ZFAT: variants seen among roughly 807,000 people sequenced by gnomAD.
ZFAT encodes the protein zinc finger protein ZFAT.
Under a neutral mutation model 117.7 loss-of-function variants are expected in ZFAT, and 64 were observed. The ratio of observed to expected loss-of-function variants is 0.54; its 90% CI spans 0.44 to 0.67. ZFAT has a LOEUF of 0.67. Among genes scored for constraint, ZFAT ranks in the 30% least tolerant of loss-of-function variants. ZFAT has a pLI of 0.00. For missense variants in ZFAT, 1,433 were observed against 1,584.5 expected, an observed-to-expected ratio of 0.90 and a Z score of 1.62; for synonymous variants, 679 against 615.0, an observed-to-expected ratio of 1.10 and a Z score of -1.54.
chr8:134,518,924 A>G (rs1442292126), intron 13 of ZFAT, among the ~76,000 whole-genome samples: 1 of 152,150 alleles, frequency 6.6e-6, no homozygotes, highest in Non-Finnish European at 1.5e-5. Context: ...TACCAACTTG[A>G]GACACCATCT....
At chr8:134,497,149 T>G (rs1375423064) in intron 15 of ZFAT, among the ~76,000 whole-genome samples, 2 of 151,882 alleles carry the variant, frequency 1.3e-5, no homozygotes. Flanking sequence ...GTGGGCACCT[T>G]GCTGTCAGGC....
At chr8:134,522,940 C>G (rs1027536289) in intron 12 of ZFAT, among the ~76,000 whole-genome samples, 2 of 152,180 alleles carry the variant, frequency 1.3e-5, no homozygotes, top group Non-Finnish European at 2.9e-5. Context: ...CCTTCCTGTA[C>G]TATACAATTC....
chr8:134,635,009 G>C (rs1360715274), intron 3 of ZFAT, among the ~76,000 whole-genome samples: 2 of 152,198 alleles, frequency 1.3e-5, no homozygotes, highest in African/African-American at 4.8e-5. Context: ...TTTACAATAG[G>C]GCTCATGTTC....
At chr8:134,511,401 C>T (rs115188100) in intron 14 of ZFAT, among the ~76,000 whole-genome samples, 121 of 152,262 alleles carry the variant, frequency 7.9e-4, no homozygotes, top group African/African-American at 2.8e-3. Flanking sequence ...AGCTGGGCCT[C>T]GACTCTCCCG....
At chr8:134,782,160 G>T in the ZFAT span, among the ~76,000 whole-genome samples, 4 of 152,162 alleles carry the variant, frequency 2.6e-5, no homozygotes, top group East Asian at 7.7e-4. Context: ...CCCTGCAAAG[G>T]CAATGCTTTG....
At chr8:134,722,214 G>A in the ZFAT span, among the ~76,000 whole-genome samples, 1 of 152,216 alleles carries the variant, frequency 6.6e-6, no homozygotes, top group African/African-American at 2.4e-5. Context: ...GGGAAGATGT[G>A]GGAGGCACAC....
the ZFAT span, among the ~76,000 whole-genome samples, chr8:134,807,220 G>C: frequency 2.0e-5 from 3 of 152,194 alleles, no homozygotes; most frequent in African/African-American, 7.2e-5. Flanking sequence ...ATTTGCCACA[G>C]ATTCTGTCCT....
chr8:134,601,494 A>T lies in ZFAT; in HGVS notation c.2225T>A (p.Leu742Gln), dbSNP rs764004321. The part of the protein sequence containing the change: ...CERIRKVYGD[L>Q]ECEYCGKLFW... ...TTCCTTACCACAGTATTCACACTCC[A>T]GGTCTCCATAAACCTTCCGGATCCG... Residue 742 changes from leucine to glutamine, a missense_variant, in exon 6 of 16, where the codon CTG becomes CAG. Around this residue, in one of 5 missense-constraint regions of ZFAT, gnomAD observed 372 missense variants for 355.6 expected, o/e 1.05. Coordinates refer to ENST00000377838, the MANE Select transcript of ZFAT (RefSeq NM_020863.4). The T allele has an allele frequency of 6.2e-7, 1 of 1,612,548 alleles. No individual in the cohort carries two copies. The highest frequency in any genetic ancestry group is 8.5e-7 in the Non-Finnish European group (1 of 1,178,930).
At chr8:134,618,303 G>A (rs1375674022) in intron 3 of ZFAT, among the ~76,000 whole-genome samples, 10 of 152,296 alleles carry the variant, frequency 6.6e-5, no homozygotes, top group South Asian at 4.2e-4. Context: ...TTGTGCAATC[G>A]TGGCAACAGA....
chr8:134,559,550 T>A (rs188429630), intron 11 of ZFAT, among the ~76,000 whole-genome samples: 23 of 152,356 alleles, frequency 1.5e-4, no homozygotes, highest in African/African-American at 5.5e-4. Context: ...GATAAAATCT[T>A]ACAAGTGGTG....
At chr8:134,735,209 A>G in the ZFAT span, among the ~76,000 whole-genome samples, 3 of 152,212 alleles carry the variant, frequency 2.0e-5, no homozygotes, top group Admixed American at 1.3e-4. Flanking sequence ...CTCCAAAATT[A>G]TATAGAAAAT....
intron 1 of ZFAT, among the ~76,000 whole-genome samples, chr8:134,702,681 T>TA (rs1834046359): frequency 6.6e-6 from 1 of 151,044 alleles, no homozygotes; most frequent in South Asian, 2.1e-4. Context: ...TTTTTTTTCT[T>TA]TTTTTTTTGA....
At chr8:134,523,611 A>G (rs553210288) in intron 12 of ZFAT, among the ~76,000 whole-genome samples, 13 of 152,222 alleles carry the variant, frequency 8.5e-5, no homozygotes, top group Admixed American at 5.9e-4. Flanking sequence ...AACCCTTCCA[A>G]TGGTCTTCTG....
chr8:134,616,196 C>A (rs1201612080), intron 3 of ZFAT, among the ~76,000 whole-genome samples: 1 of 152,262 alleles, frequency 6.6e-6, no homozygotes, highest in Admixed American at 6.5e-5. Flanking sequence ...TCAACAGCCA[C>A]ATGACTGTGT....
Position 134,610,518 on chromosome 8 carries a change from T to TCGC in ZFAT, c.583_585dup (p.Ala195dup). 6.2e-7 allele frequency: 1 copy of TCGC among 1,614,206 alleles called. No homozygotes were observed. Among genetic ancestry groups the TCGC allele is most frequent in the Non-Finnish European group, 8.5e-7 (1 of 1,180,020 alleles). On this transcript the variant is annotated inframe_insertion, in exon 4 of 16. Coordinates refer to ENST00000377838, the MANE Select transcript of ZFAT (RefSeq NM_020863.4). Reference sequence around the variant, plus strand: ...AAAACCACACTTATGATGGGTTTCTTCGCCCCAGAAAGCTGTCTGGCCTCC... The same window carrying TCGC: ...AAAACCACACTTATGATGGGTTTCTTCGCCGCCCCAGAAAGCTGTCTGGCCTCC...
intron 2 of ZFAT, among the ~76,000 whole-genome samples, chr8:134,644,022 A>C (rs1011921413): frequency 6.6e-6 from 1 of 152,224 alleles, no homozygotes; most frequent in Non-Finnish European, 1.5e-5. Flanking sequence ...CATAGACATC[A>C]ACTTCCCCTG....
At chr8:134,804,818 GC>G in the ZFAT span, 1 of 518,780 alleles carries the variant, frequency 1.9e-6, no homozygotes, top group East Asian at 5.6e-5. Context: ...ACATTTTATA[GC>G]CTCCTCAACT....
chr8:134,526,456 C>T (rs1821031476), intron 12 of ZFAT, among the ~76,000 whole-genome samples: 1 of 152,186 alleles, frequency 6.6e-6, no homozygotes, highest in Non-Finnish European at 1.5e-5. Flanking sequence ...ACTCATGGCA[C>T]TGATATTAAG....
chr8:134,567,478 TCCA>T (rs1293517556), intron 10 of ZFAT, among the ~76,000 whole-genome samples: 2,910 of 151,882 alleles, frequency 0.019, 92 homozygotes, highest in African/African-American at 0.067. Context: ...CATCCATCCA[TCCA>T]TCCATCCATC....
Sources: gnomAD v4.1 joint callset for allele counts (sites outside exome capture counted in the v4.1 genomes callset) on GRCh38, gnomAD v4.1.1 for gene constraint, gnomAD v4.1.1 regional missense constraint, MANE v1.5 for transcripts, NCBI Gene and HGNC (gene_info 2026-07-23, HGNC 2026-07-21) for gene names.